Variants in STK11IP observed in about 807,000 individuals in gnomAD.
STK11IP encodes serine/threonine-protein kinase 11-interacting protein.
Under a neutral mutation model 131.7 loss-of-function variants are expected in STK11IP, and 103 were observed. The ratio of observed to expected loss-of-function variants is 0.78; its 90% CI spans 0.67 to 0.92. The LOEUF (loss-of-function observed/expected upper bound fraction) is 0.92, where lower values mean the gene tolerates loss of function less well. Among genes scored for constraint, STK11IP ranks in the 40% least tolerant of loss-of-function variants. The probability of loss-of-function intolerance (pLI) is 0.00; values close to 1 mark genes in which losing one functional copy is unlikely to be tolerated. For synonymous variants in STK11IP, 557 were observed against 575.6 expected (o/e 0.97, Z 0.46); for missense variants, 1,315 against 1,385.7 (o/e 0.95, Z 0.81).
At chr2:219,614,764 A>T in intron 23 of STK11IP, 1 of 712,096 alleles carries the variant, frequency 1.4e-6, no homozygotes, top group Non-Finnish European at 2.6e-6. Flanking sequence ...AGTTACCCAG[A>T]GCCTTTGCTC....
intron 24 of STK11IP, chr2:219,615,743 GC>G: frequency 1.5e-6 from 1 of 656,998 alleles, no homozygotes; most frequent in Non-Finnish European, 2.9e-6. Context: ...TAACCAGTTT[GC>G]CCAGTCCAAA....
At chr2:219,607,695 G>A (rs1005722931) in intron 13 of STK11IP, among the ~76,000 whole-genome samples, 2 of 151,880 alleles carry the variant, frequency 1.3e-5, no homozygotes, top group South Asian at 2.1e-4. Flanking sequence ...ACAAAAGAAA[G>A]TGTATATGTA....
intron 7 of STK11IP, among the ~76,000 whole-genome samples, chr2:219,605,022 G>A (rs1360360517): frequency 6.6e-6 from 1 of 152,138 alleles, no homozygotes; most frequent in East Asian, 1.9e-4. Flanking sequence ...TAGAGACGGG[G>A]TTTCACAATG....
At chr2:219,607,159 A>G in intron 13 of STK11IP, 22 bp downstream of exon 13, 1 of 1,610,698 alleles carries the variant, frequency 6.2e-7, no homozygotes, top group Non-Finnish European at 8.5e-7. Context: ...TCATCCCACT[A>G]ACCTCTCTCG....
rs376215443 is a variant in STK11IP at position 219,616,174 on chromosome 2, C to T, written c.3248C>T (p.Ala1083Val). ...GGACTCCGGACAGTGATCCAAGAGG[C>T]GCTGGCCCTTGACCGATGAGGGTCC... is the stretch of plus-strand genomic sequence containing the variant. The part of the protein sequence containing the change: ...SIGLRTVIQE[A>V]LALDR Residue 1083 changes from alanine (A) to valine (V), a missense_variant, in exon 25 of 25, where the codon GCG (alanine) becomes GTG (valine). Physicochemically the swap from Ala to Val is moderately conservative, Grantham distance 64. Transcript: ENST00000456909. 9.3e-6 allele frequency: 15 copies of T among 1,613,380 alleles called. No individual in the cohort carries two copies. Among genetic ancestry groups the T allele is most frequent in the South Asian group, 6.6e-5 (6 of 91,064 alleles).
chr2:219,602,825 T>A, intron 7 of STK11IP, 49 bp downstream of exon 7: 1 of 1,547,794 alleles, frequency 6.5e-7, no homozygotes, highest in East Asian at 2.3e-5. Flanking sequence ...CTTTGATTGC[T>A]CTGCTCTCAC....
chr2:219,603,102 C>T (rs1475436262), intron 7 of STK11IP, among the ~76,000 whole-genome samples: 7 of 135,276 alleles, frequency 5.2e-5, no homozygotes, highest in African/African-American at 8.5e-5. Context: ...AGTGCAGTGG[C>T]GCAATCTCAG....
chr2:219,615,765 C>A (rs1031514443), intron 24 of STK11IP: 14 of 672,492 alleles, frequency 2.1e-5, no homozygotes, highest in Non-Finnish European at 2.8e-5. Flanking sequence ...GTGGTGGAGC[C>A]GGGAATTGAA....
At chr2:219,606,331 G>A in intron 10 of STK11IP, 41 bp downstream of exon 10, 1 of 1,549,592 alleles carries the variant, frequency 6.5e-7, no homozygotes, top group Non-Finnish European at 8.7e-7. Flanking sequence ...CCCCTTTCCT[G>A]CCCAGTCCTC....
rs750755956 is a variant in STK11IP at position 219,608,354 on chromosome 2, G to C, written c.1527G>C (p.Glu509Asp). The C allele has an allele frequency of 2.5e-6, 4 of 1,585,094 alleles. No homozygotes were observed. In the African/African-American group the frequency reaches 4.0e-5, roughly 16 times the overall value. The change falls in exon 14 of 25, where the codon GAG (glutamate) becomes GAC (aspartate). Residue 509 changes from glutamate (E) to aspartate (D), a missense_variant. Physicochemically the swap from Glu to Asp is conservative, Grantham distance 45. Coordinates refer to ENST00000456909, the MANE Select transcript of STK11IP (RefSeq NM_052902.4). ...AGGAGGGGAAGGAGGAGAAGGAGGA[G>C]GGGGAGATGGTGGAACAGGGAGAAG... ...EEKEGKEEKE[E>D]GEMVEQGEEE... is the part of the protein sequence containing the mutation.
At position 219,606,044 on chromosome 2, in the gene STK11IP, GGCTGA is replaced by G; in HGVS notation, c.838_842del (p.Glu280ProfsTer15). On this transcript the variant is annotated frameshift_variant, in exon 9 of 25. Transcript: ENST00000456909. LOFTEE classifies it high-confidence loss of function. ...GGGAGCTGTCACCACTGTGGCTGCT[GGCTGA>G]GCTCCGCAAGGTGAGATGGGAATGC... 1 of 1,604,506 alleles carries G rather than the reference GGCTGA, an allele frequency of 6.2e-7. No individual in the cohort carries two copies. The highest frequency in any genetic ancestry group is 1.3e-5 in the African/African-American group (1 of 74,888).
chr2:219,602,637 G>T (rs2106148559), intron 6 of STK11IP, 62 bp downstream of exon 6: 1 of 1,611,300 alleles, frequency 6.2e-7, no homozygotes. Flanking sequence ...TGGGGAGGAG[G>T]GCCAGCTGGT....
rs549914863 is a variant in STK11IP, at chr2:219,601,507, G to A, written c.267+67G>A. On this transcript the variant is annotated intron_variant, in intron 3 of 24. Coordinates refer to ENST00000456909, the MANE Select transcript of STK11IP (RefSeq NM_052902.4). ...AGAGAATGATGGAAGTTGGGGATAG[G>A]GTAGGGGTGCAGAAGTCTGCAGTGC... 4 of 1,580,420 alleles carry A rather than the reference G, an allele frequency of 2.5e-6. No individual in the cohort carries two copies. In the African/African-American group the frequency reaches 5.4e-5, roughly 21 times the overall value.
chr2:219,615,893 C>T, intron 24 of STK11IP, 151 bp from the exon 25 acceptor site: 1 of 1,010,160 alleles, frequency 9.9e-7, no homozygotes, highest in Admixed American at 2.1e-5. Flanking sequence ...AGCTCAGAGT[C>T]AGGATCTTTT....
Position 219,601,980 on chromosome 2 carries a change from T to C in STK11IP, c.343-8T>C, listed in dbSNP as rs745791458. 6.2e-7 allele frequency: 1 copy of C among 1,606,254 alleles called. No homozygotes were observed. The highest frequency in any genetic ancestry group is 1.1e-5 in the South Asian group (1 of 89,332). On this transcript the variant is annotated splice_polypyrimidine_tract_variant and splice_region_variant and intron_variant, in intron 4 of 24. Transcript: ENST00000456909. Reference sequence around the variant, plus strand: ...TCTGCCTTCCTCCCTCCTCTTTCCTTGTCCCAGCTCCGAGGTGTTCCCCTC... The same window carrying C: ...TCTGCCTTCCTCCCTCCTCTTTCCTCGTCCCAGCTCCGAGGTGTTCCCCTC...
chr2:219,603,685 T>A (rs1239449764), intron 7 of STK11IP, among the ~76,000 whole-genome samples: 1 of 151,918 alleles, frequency 6.6e-6, no homozygotes, highest in East Asian at 1.9e-4. Flanking sequence ...CATGCCCAGC[T>A]AATTTTTGTA....
chr2:219,597,890 C>T lies in STK11IP; in HGVS notation c.-60C>T. On this transcript the variant is annotated 5_prime_UTR_variant, in exon 1 of 25. Coordinates refer to ENST00000456909, the MANE Select transcript of STK11IP (RefSeq NM_052902.4). ...TCCATCATTGATAGGCGCCGGGCAG[C>T]TGAGCTGGTAGGAGGACCAGACGGG... is the stretch of plus-strand genomic sequence containing the variant. 4 of 1,609,510 alleles carry T rather than the reference C, an allele frequency of 2.5e-6. No homozygotes were observed. The highest frequency in any genetic ancestry group is 3.4e-6 in the Non-Finnish European group (4 of 1,178,014).
In STK11IP at chr2:219,612,039, A is replaced by C. The variant is rs772831214; in HGVS notation, c.2420A>C (p.Glu807Ala). 7.5e-6 allele frequency: 12 copies of C among 1,603,686 alleles called. No homozygotes were observed. Among genetic ancestry groups the C allele is most frequent in the Non-Finnish European group, 9.4e-6 (11 of 1,175,908 alleles). Residue 807 changes from glutamate (E) to alanine (A), a missense_variant, in exon 19 of 25, where the codon GAG becomes GCG. By Grantham distance (107) the Glu-to-Ala change is moderately radical. Coordinates refer to ENST00000456909, the MANE Select transcript of STK11IP (RefSeq NM_052902.4). ...DVEVFSDAQEEFQCCLKVPVA... is the reference protein window; with the variant it reads ...DVEVFSDAQEAFQCCLKVPVA... ...GAGGTGTTCAGCGATGCCCAGGAGG[A>C]GTTCCAGTGCTGCCTCAAGGTCTGT... is the stretch of plus-strand genomic sequence containing the variant.
chr2:219,605,065 A>C (rs1474198138), intron 7 of STK11IP, among the ~76,000 whole-genome samples: 2 of 152,194 alleles, frequency 1.3e-5, no homozygotes, highest in African/African-American at 4.8e-5. Context: ...CCTGGCCTCA[A>C]GTGATCCCCC....
Sources: allele counts gnomAD v4.1 joint callset (sites outside exome capture counted in the v4.1 genomes callset), GRCh38; gene constraint gnomAD v4.1.1; transcripts MANE v1.5; gene names NCBI Gene and HGNC (gene_info 2026-07-23, HGNC 2026-07-21).